PDIA4: variants seen among roughly 807,000 people sequenced by gnomAD.
PDIA4 encodes the protein protein disulfide isomerase family A member 4.
A neutral mutation model predicts 62.1 loss-of-function variants in PDIA4; 33 were observed. The observed-to-expected ratio is 0.53, with a 90% CI of 0.40 to 0.71. The LOEUF (loss-of-function observed/expected upper bound fraction) is 0.71. Among genes scored for constraint, PDIA4 ranks in the 30% least tolerant of loss-of-function variants. The pLI, the probability that PDIA4 is intolerant of heterozygous loss-of-function variation, is 0.00. For synonymous variants in PDIA4, 341 were observed against 324.1 expected, an observed-to-expected ratio of 1.05 and a Z score of -0.56; for missense variants, 804 against 813.6, an observed-to-expected ratio of 0.99 and a Z score of 0.14.
chr7:149,028,278 C>G, intron 1 of PDIA4, 43 bp downstream of exon 1: 1 of 1,414,648 alleles, frequency 7.1e-7, no homozygotes, highest in Non-Finnish European at 9.6e-7. Context: ...AGCTCTGCAG[C>G]CCCCGCAAGC....
rs1823625105 is a variant in PDIA4 at position 149,003,706 on chromosome 7, T to C, written c.*88A>G. The stretch of plus-strand genomic sequence containing the variant: ...AAAAAAAAAGGAATCCGAGATACTG[T>C]CGTTTGTTGCCGGCCTCGGCGTGGA... On this transcript the variant is annotated 3_prime_UTR_variant, in exon 10 of 10. Coordinates refer to ENST00000652332, the MANE Select transcript of PDIA4 (RefSeq NM_004911.5). The C allele has an allele frequency of 2.3e-6, 2 of 882,722 alleles. No homozygotes were observed. Among genetic ancestry groups the C allele is most frequent in the African/African-American group, 1.7e-5 (1 of 57,524 alleles). The allele number at this position is 882,722 out of a possible 1,614,324, so 54.7% of individuals were successfully genotyped here.
intron 3 of PDIA4, among the ~76,000 whole-genome samples, chr7:149,018,596 T>C (rs910140690): frequency 6.6e-6 from 1 of 152,106 alleles, no homozygotes; most frequent in Non-Finnish European, 1.5e-5. Flanking sequence ...TACACCCAGC[T>C]AATTGTTGTA....
Position 149,008,182 on chromosome 7 carries a change from G to A in PDIA4, c.1108C>T (p.Arg370Trp), listed in dbSNP as rs944124241. Reference protein sequence around the residue: ...PEKFQSKYEPRSHMMDVQGST... With the variant: ...PEKFQSKYEPWSHMMDVQGST... ...ACCTGGACGTCCATCATGTGGCTCC[G>A]GGGCTCATACTTGGACTGGAATTTC... Residue 370 changes from arginine to tryptophan, a missense_variant, in exon 7 of 10, where the codon CGG (arginine) becomes TGG (tryptophan). Coordinates refer to ENST00000652332, the MANE Select transcript of PDIA4 (RefSeq NM_004911.5). 1.8e-5 allele frequency: 29 copies of A among 1,613,816 alleles called. No homozygotes were observed. Among genetic ancestry groups the A allele is most frequent in the African/African-American group, 9.3e-5 (7 of 74,882 alleles).
At chr7:149,011,783 C>T in intron 6 of PDIA4, 63 bp downstream of exon 6, 1 of 1,382,654 alleles carries the variant, frequency 7.2e-7, no homozygotes, top group South Asian at 1.6e-5. Context: ...TTCTGAAAAA[C>T]CAGGCAACCG....
At chr7:149,010,795 T>C (rs1563120570) in intron 6 of PDIA4, among the ~76,000 whole-genome samples, 1 of 152,122 alleles carries the variant, frequency 6.6e-6, no homozygotes, top group Non-Finnish European at 1.5e-5. Context: ...ACAGACTGAC[T>C]CCTAGGAATG....
chr7:149,003,481 G>A lies in PDIA4; in HGVS notation c.*313C>T, dbSNP rs893983782. The A allele has an allele frequency of 8.1e-6, 2 of 245,670 alleles. No homozygotes were observed. Among genetic ancestry groups the A allele is most frequent in the Non-Finnish European group, 1.5e-5 (2 of 130,230 alleles). 15.2% of individuals were successfully genotyped at this position (245,670 alleles called of 1,614,324 possible). On this transcript the variant is annotated 3_prime_UTR_variant, in exon 10 of 10. Transcript: ENST00000652332. ...AATTTTAAACCTTAAATTAAAAAAAGAAAACATTTTCACACAGAAGAATTA... is the reference window on the plus strand; with the variant it reads ...AATTTTAAACCTTAAATTAAAAAAAAAAAACATTTTCACACAGAAGAATTA...
intron 1 of PDIA4, among the ~76,000 whole-genome samples, chr7:149,022,447 A>G (rs966876265): frequency 6.6e-6 from 1 of 152,146 alleles, no homozygotes; most frequent in Non-Finnish European, 1.5e-5. Context: ...TGGAATTGCC[A>G]TTTTTATTAA....
rs1157381791 is a variant in PDIA4, at chr7:149,012,142, G to A, written c.820+13C>T. 1.2e-6 allele frequency: 2 copies of A among 1,613,742 alleles called. No individual in the cohort carries two copies. The highest frequency in any genetic ancestry group is 8.5e-7 in the Non-Finnish European group (1 of 1,179,648). On this transcript the variant is annotated intron_variant, in intron 5 of 9. Coordinates refer to ENST00000652332, the MANE Select transcript of PDIA4 (RefSeq NM_004911.5). ...CTTCCCCACTGTAGTGGGAGAGAAG[G>A]GAGTGGCCATACCATATTTTTCTCG...
rs572687555 is a variant in PDIA4, at chr7:149,018,089, C to T, written c.475+903G>A. Among the ~76,000 whole-genome samples, 15 of 151,938 alleles carry T rather than the reference C, an allele frequency of 9.9e-5. No individual in the cohort carries two copies. The East Asian group carries it at 2.5e-3, about 26-fold the overall frequency. On this transcript the variant is annotated intron_variant, in intron 3 of 9. Transcript: ENST00000652332. ...CTAAAAATACAAAAAATTAGCCGGA[C>T]GTGGTGGCAGGCGCCTGTAGTCCCA...
At chr7:149,008,408 T>C in intron 6 of PDIA4, 98 bp from the exon 7 acceptor site, 3 of 1,319,330 alleles carry the variant, frequency 2.3e-6, no homozygotes, top group South Asian at 2.7e-5. Context: ...GTTCTGAAAA[T>C]GACCACTGTA....
intron 3 of PDIA4, among the ~76,000 whole-genome samples, chr7:149,016,971 C>T (rs1013881182): frequency 9.2e-5 from 14 of 152,194 alleles, no homozygotes; most frequent in Admixed American, 3.9e-4. Context: ...TCTTTGTATA[C>T]GCCACAGTGA....
At chr7:149,010,186 A>G (rs1382192) in intron 6 of PDIA4, among the ~76,000 whole-genome samples, 140,541 of 152,188 alleles carry the variant, frequency 0.92, 65,676 homozygotes, top group Non-Finnish European at 1. Context: ...TGTAAAACAG[A>G]GGCATTAAAA....
At position 149,005,324 on chromosome 7, in the gene PDIA4, C is replaced by G. The variant is rs1296581561; in HGVS notation, c.1339G>C (p.Glu447Gln). The change falls in exon 9 of 10, where the codon GAG becomes CAG. Residue 447 changes from glutamate to glutamine, a missense_variant. Coordinates refer to ENST00000652332, the MANE Select transcript of PDIA4 (RefSeq NM_004911.5). Reference protein sequence around the residue: ...KVLEVAKDFPEYTFAIADEED... With the variant: ...KVLEVAKDFPQYTFAIADEED... ...TCGTCCGCAATGGCAAAGGTGTACT[C>G]AGGGAAGTCCTTGGCCACCTCTAGG... 1 of 1,614,180 alleles carries G rather than the reference C, an allele frequency of 6.2e-7. No individual in the cohort carries two copies. Among genetic ancestry groups the G allele is most frequent in the South Asian group, 1.1e-5 (1 of 91,078 alleles).
chr7:149,019,486 G>T (rs1429742380), intron 2 of PDIA4, among the ~76,000 whole-genome samples: 1 of 152,190 alleles, frequency 6.6e-6, no homozygotes, highest in Non-Finnish European at 1.5e-5. Flanking sequence ...TTGGCAGGCT[G>T]AGGCAGGTGT....
chr7:149,006,576 G>C (rs1823764655), intron 7 of PDIA4, among the ~76,000 whole-genome samples: 1 of 152,232 alleles, frequency 6.6e-6, no homozygotes, highest in Non-Finnish European at 1.5e-5. Context: ...GGGTTTCCGT[G>C]GGGATGGGAT....
rs199900861 is a variant in PDIA4 at position 149,003,778 on chromosome 7, C to T, written c.*16G>A. ...AGGGCGTCTGCCTCCTCCCACCTTC[C>T]GCAGACCTCAGGCCTTCAAAGCTCT... On this transcript the variant is annotated 3_prime_UTR_variant, in exon 10 of 10. Coordinates refer to ENST00000652332, the MANE Select transcript of PDIA4 (RefSeq NM_004911.5). The T allele has an allele frequency of 3.4e-5, 51 of 1,502,940 alleles. No homozygotes were observed. In the Middle Eastern group the frequency reaches 7.2e-4, roughly 21 times the overall value. 93.1% of individuals were successfully genotyped at this position (1,502,940 alleles called of 1,614,324 possible). A position where few individuals can be genotyped will look rare whatever the true frequency, so the allele number is the denominator to read the frequency against.
chr7:149,011,177 A>C (rs1823930621), intron 6 of PDIA4, among the ~76,000 whole-genome samples: 1 of 152,144 alleles, frequency 6.6e-6, no homozygotes, highest in African/African-American at 2.4e-5. Flanking sequence ...GTGTAGTGGG[A>C]GAGGGTAGCA....
intron 8 of PDIA4, 49 bp downstream of exon 8, chr7:149,005,848 C>G (rs199885687): frequency 1.4e-6 from 2 of 1,415,302 alleles, no homozygotes; most frequent in Non-Finnish European, 1.9e-6. Context: ...CCTGAAAGAA[C>G]GAGTCCCCCC....
chr7:149,005,360 G>T lies in PDIA4; in HGVS notation c.1303C>A (p.Arg435=). The T allele has an allele frequency of 6.2e-7, 1 of 1,613,414 alleles. No homozygotes were observed. The highest frequency in any genetic ancestry group is 1.3e-5 in the African/African-American group (1 of 75,032). ...FDYRAATQFW[R]SKVLEVAKDF... ...TTGGCCACCTCTAGGACTTTGCTCC[G>T]CCAAAACTGAGTTGCTGAAAGGGAC... The change falls in exon 9 of 10, where the codon CGG becomes AGG. Residue 435 remains arginine, a synonymous_variant. Transcript: ENST00000652332.
Sources: gnomAD v4.1 joint callset for allele counts (sites outside exome capture counted in the v4.1 genomes callset) on GRCh38, gnomAD v4.1.1 for gene constraint, MANE v1.5 for transcripts, NCBI Gene and HGNC (gene_info 2026-07-23, HGNC 2026-07-21) for gene names.